Variants in NCEH1 observed in about 807,000 individuals in gnomAD.
NCEH1 encodes the protein 2-acetyl MAGE hydrolase.
NCEH1 carries 9 observed loss-of-function variants against 25.4 expected under a neutral mutation model. That is an observed-to-expected ratio of 0.35 (90% confidence interval 0.21 to 0.62). NCEH1 has a LOEUF of 0.62. Among genes scored for constraint, NCEH1 ranks in the 20% least tolerant of loss-of-function variants. The pLI, the probability that NCEH1 is intolerant of heterozygous loss-of-function variation, is 0.72. For synonymous variants in NCEH1, 200 were observed against 199.8 expected, an observed-to-expected ratio of 1.00 and a Z score of -0.01; for missense variants, 412 against 501.1, an observed-to-expected ratio of 0.82 and a Z score of 1.70.
At chr3:172,645,500 A>C in intron 3 of NCEH1, 123 bp downstream of exon 3, 1 of 575,282 alleles carries the variant, frequency 1.7e-6, no homozygotes, top group Non-Finnish European at 3.1e-6. Context: ...GACTTTGGGC[A>C]TATCTCTTTG....
intron 1 of NCEH1, among the ~76,000 whole-genome samples, chr3:172,672,564 C>A (rs1229487488): frequency 6.6e-6 from 1 of 152,206 alleles, no homozygotes; most frequent in African/African-American, 2.4e-5. Context: ...TCCTGAAGGA[C>A]AGTTTTATTA....
In NCEH1 at chr3:172,633,171, A is replaced by G. The variant is rs1314803844; in HGVS notation, c.*304T>C. On this transcript the variant is annotated 3_prime_UTR_variant, in exon 5 of 5. Transcript: ENST00000475381. ...AACGTCCTAATGAAGGCAGGACCCA[A>G]AGTTATTTCCAGTTCCTAGTCCTGC... is the stretch of plus-strand genomic sequence containing the variant. 4 of 304,424 alleles carry G rather than the reference A, an allele frequency of 1.3e-5. No homozygotes were observed. Among genetic ancestry groups the G allele is most frequent in the African/African-American group, 4.4e-5 (2 of 45,906 alleles). 18.9% of individuals were successfully genotyped at this position (304,424 alleles called of 1,614,324 possible).
At chr3:172,662,358 G>T (rs1171985121) in intron 1 of NCEH1, among the ~76,000 whole-genome samples, 2 of 152,202 alleles carry the variant, frequency 1.3e-5, no homozygotes, top group Non-Finnish European at 2.9e-5. Context: ...TGTGCTGCTG[G>T]ATTCGGTTTG....
chr3:172,675,208 CAGA>C (rs1711898224), intron 1 of NCEH1, among the ~76,000 whole-genome samples: 4 of 152,100 alleles, frequency 2.6e-5, no homozygotes, highest in African/African-American at 9.6e-5. Context: ...GAGGCTGAGA[CAGA>C]AGAATTGCTT....
intron 1 of NCEH1, among the ~76,000 whole-genome samples, chr3:172,679,907 C>T (rs769187357): frequency 3.9e-5 from 6 of 152,128 alleles, no homozygotes; most frequent in Non-Finnish European, 7.4e-5. Flanking sequence ...AGGTTTTTTG[C>T]AGGCTACGTG....
At chr3:172,640,004 T>A (rs1456197085) in intron 3 of NCEH1, among the ~76,000 whole-genome samples, 1 of 152,208 alleles carries the variant, frequency 6.6e-6, no homozygotes, top group Non-Finnish European at 1.5e-5. Flanking sequence ...TTCAAACCTA[T>A]GCCCCCAAGC....
At chr3:172,699,263 G>A (rs1409139475) in intron 1 of NCEH1, among the ~76,000 whole-genome samples, 3 of 152,190 alleles carry the variant, frequency 2.0e-5, no homozygotes, top group Non-Finnish European at 2.9e-5. Flanking sequence ...CAGGAGAAGC[G>A]TAAGCAGATT....
intron 1 of NCEH1, among the ~76,000 whole-genome samples, chr3:172,700,671 G>A (rs1417377434): frequency 9.2e-5 from 14 of 152,172 alleles, no homozygotes; most frequent in South Asian, 6.2e-4. Flanking sequence ...ACTATGTTTT[G>A]TAGAGACAGT....
In NCEH1 at chr3:172,706,796, C is replaced by T. The variant is rs146188108; in HGVS notation, c.138+4051G>A. On this transcript the variant is annotated intron_variant, in intron 1 of 4. Coordinates refer to ENST00000475381, the MANE Select transcript of NCEH1 (RefSeq NM_020792.6). The stretch of plus-strand genomic sequence containing the variant: ...GATTACAGGCATGAGCCACCACACC[C>T]GACCTTCATTCGTTTAAATGGTGCT... 3.1e-3 allele frequency among the ~76,000 whole-genome samples: 475 copies of T among 152,150 alleles called. 1 individual carries two copies. Among genetic ancestry groups the T allele is most frequent in the Non-Finnish European group, 4.5e-3 (307 of 68,012 alleles).
chr3:172,704,484 C>T (rs1429143798), intron 1 of NCEH1, among the ~76,000 whole-genome samples: 1 of 152,226 alleles, frequency 6.6e-6, no homozygotes, highest in Non-Finnish European at 1.5e-5. Flanking sequence ...TACCCTATCA[C>T]TGGCAGTTGG....
intron 1 of NCEH1, among the ~76,000 whole-genome samples, chr3:172,649,438 T>C (rs1168520243): frequency 6.6e-6 from 1 of 152,210 alleles, no homozygotes; most frequent in African/African-American, 2.4e-5. Context: ...CAAATGAATA[T>C]TAAGAAAATT....
intron 1 of NCEH1, among the ~76,000 whole-genome samples, chr3:172,672,846 G>A (rs1434142119): frequency 6.6e-6 from 1 of 152,230 alleles, no homozygotes; most frequent in Non-Finnish European, 1.5e-5. Flanking sequence ...CAGGCAGCAA[G>A]ACGAAGCCAC....
At chr3:172,641,402 T>A (rs1716845863) in intron 3 of NCEH1, among the ~76,000 whole-genome samples, 2 of 152,200 alleles carry the variant, frequency 1.3e-5, no homozygotes, top group African/African-American at 4.8e-5. Context: ...TGAGCCAGCA[T>A]GAGTGACATG....
chr3:172,688,345 A>G (rs933381165), intron 1 of NCEH1, among the ~76,000 whole-genome samples: 1 of 151,472 alleles, frequency 6.6e-6, no homozygotes, highest in East Asian at 1.9e-4. Flanking sequence ...AAAAAAAAAA[A>G]AAAAAAAGAA....
At chr3:172,674,759 C>T (rs1711857823) in intron 1 of NCEH1, among the ~76,000 whole-genome samples, 3 of 152,152 alleles carry the variant, frequency 2.0e-5, no homozygotes, top group Admixed American at 6.5e-5. Flanking sequence ...ACTGTGGCAC[C>T]CACAATGTGG....
intron 1 of NCEH1, among the ~76,000 whole-genome samples, chr3:172,680,303 T>C (rs182860453): frequency 5.9e-4 from 90 of 152,256 alleles, no homozygotes; most frequent in South Asian, 1.0e-3. Flanking sequence ...AGGTAGAACA[T>C]CTGAATGACA....
chr3:172,678,075 G>A (rs1712120366), intron 1 of NCEH1, among the ~76,000 whole-genome samples: 1 of 152,224 alleles, frequency 6.6e-6, no homozygotes, highest in South Asian at 2.1e-4. Flanking sequence ...CACAGGTTTT[G>A]CTGCACTTAA....
Position 172,632,484 on chromosome 3 carries a change from A to C in NCEH1, c.*991T>G, listed in dbSNP as rs899866408. On this transcript the variant is annotated 3_prime_UTR_variant, in exon 5 of 5. Transcript: ENST00000475381. ...AGCAAAATAGCTCCATTTTAAAGCC[A>C]TATAAGTGAAAAAATTGAGTTTTCA... is the stretch of plus-strand genomic sequence containing the variant. The C allele has an allele frequency of 6.6e-6, 1 of 152,622 alleles. No individual in the cohort carries two copies. Among genetic ancestry groups the C allele is most frequent in the African/African-American group, 2.4e-5 (1 of 41,468 alleles). 9.5% of individuals were successfully genotyped at this position (152,622 alleles called of 1,614,324 possible).
chr3:172,640,777 G>C (rs1008089215), intron 3 of NCEH1, among the ~76,000 whole-genome samples: 1 of 151,996 alleles, frequency 6.6e-6, no homozygotes, highest in Non-Finnish European at 1.5e-5. Context: ...AAAGTGCTGG[G>C]ATTATAGGCA....
Sources: allele counts gnomAD v4.1 joint callset (sites outside exome capture counted in the v4.1 genomes callset), GRCh38; gene constraint gnomAD v4.1.1; transcripts MANE v1.5; gene names NCBI Gene and HGNC (gene_info 2026-07-23, HGNC 2026-07-21).